The following KIAA0232 variants were observed in gnomAD, a reference collection of about 807,000 sequenced individuals.
KIAA0232 encodes uncharacterized protein KIAA0232.
Under a neutral mutation model 122.0 loss-of-function variants are expected in KIAA0232, and 27 were observed. That is an observed-to-expected ratio of 0.22 (90% confidence interval 0.16 to 0.31). KIAA0232 has a LOEUF of 0.31. Ranked by LOEUF, KIAA0232 falls within the 10% of genes least tolerant of loss-of-function variation. The pLI is 1.00. For missense variants in KIAA0232, 1,551 were observed against 1,634.2 expected, an observed-to-expected ratio of 0.95 and a Z score of 0.88; for synonymous variants, 613 against 587.6, an observed-to-expected ratio of 1.04 and a Z score of -0.63.
intron 4 of KIAA0232, among the ~76,000 whole-genome samples, chr4:6,853,957 AG>A (rs893101842): frequency 2.6e-5 from 4 of 152,154 alleles, no homozygotes; most frequent in Admixed American, 2.0e-4. Context: ...CACAGCCAGG[AG>A]CAGAGAGTGT....
chr4:6,798,469 G>A (rs1054302362), intron 1 of KIAA0232, among the ~76,000 whole-genome samples: 1 of 152,160 alleles, frequency 6.6e-6, no homozygotes, highest in African/African-American at 2.4e-5. Flanking sequence ...AGACATATTT[G>A]AACAACACTA....
At chr4:6,876,630 CT>C (rs765284293) in intron 8 of KIAA0232, 29 bp from the exon 9 acceptor site, 5 of 1,417,956 alleles carry the variant, frequency 3.5e-6, no homozygotes, top group Non-Finnish European at 5.0e-6. Flanking sequence ...CCCTTTCCCT[CT>C]TTTCCCTTCT....
intron 2 of KIAA0232, among the ~76,000 whole-genome samples, chr4:6,812,188 T>A (rs2108977579): frequency 6.6e-6 from 1 of 152,232 alleles, no homozygotes; most frequent in South Asian, 2.1e-4. Context: ...TAATGAGTCT[T>A]TATTAAGCTC....
chr4:6,848,357 T>C (rs1720086710), intron 4 of KIAA0232, among the ~76,000 whole-genome samples: 1 of 152,214 alleles, frequency 6.6e-6, no homozygotes, highest in Non-Finnish European at 1.5e-5. Context: ...TGGCCCTTCA[T>C]ACCCATGAGT....
intron 1 of KIAA0232, among the ~76,000 whole-genome samples, chr4:6,795,105 C>T (rs1359205759): frequency 1.3e-5 from 2 of 150,626 alleles, no homozygotes; most frequent in Non-Finnish European, 2.9e-5. Context: ...GAGTCTCACT[C>T]TGTCGCCCAG....
rs966897589 is a variant in KIAA0232 at position 6,818,975 on chromosome 4, A to T, written c.-269-5210A>T. On this transcript the variant is annotated intron_variant, in intron 2 of 9. Coordinates refer to ENST00000307659, the MANE Select transcript of KIAA0232 (RefSeq NM_014743.3). ...AAAGTTGACAAAAATAAGCAACAGG[A>T]AAAGGACTCCCTATTCAATAAATGG... is the stretch of plus-strand genomic sequence containing the variant. Among the ~76,000 whole-genome samples the T allele has an allele frequency of 2.6e-5, 4 of 152,162 alleles. No individual in the cohort carries two copies. The South Asian group carries it at 8.3e-4, about 32-fold the overall frequency.
At chr4:6,817,066 T>C (rs1209115546) in intron 2 of KIAA0232, among the ~76,000 whole-genome samples, 1 of 152,188 alleles carries the variant, frequency 6.6e-6, no homozygotes, top group African/African-American at 2.4e-5. Flanking sequence ...GTTTCTGCTC[T>C]GAGCTTTTTT....
chr4:6,865,581 G>T (rs751887132), intron 7 of KIAA0232, among the ~76,000 whole-genome samples: 1 of 152,246 alleles, frequency 6.6e-6, no homozygotes, highest in Non-Finnish European at 1.5e-5. Flanking sequence ...GATTACAGGC[G>T]TGAGCCACCG....
At chr4:6,870,977 G>C (rs1182069460) in intron 7 of KIAA0232, among the ~76,000 whole-genome samples, 1 of 152,186 alleles carries the variant, frequency 6.6e-6, no homozygotes, top group Non-Finnish European at 1.5e-5. Flanking sequence ...AGTTTGCCTT[G>C]CTTGGGAGCG....
intron 1 of KIAA0232, among the ~76,000 whole-genome samples, chr4:6,793,724 T>C (rs998048202): frequency 7.2e-5 from 11 of 152,314 alleles, no homozygotes; most frequent in African/African-American, 2.4e-4. Context: ...GAGAGTGAGC[T>C]AACACTGGTT....
intron 1 of KIAA0232, among the ~76,000 whole-genome samples, chr4:6,800,906 T>C (rs1717358994): frequency 6.6e-6 from 1 of 152,184 alleles, no homozygotes. Flanking sequence ...GGCAGGTTCT[T>C]AAGGGTTTGT....
chr4:6,819,252 C>T lies in KIAA0232; in HGVS notation c.-269-4933C>T, dbSNP rs549792622. Among the ~76,000 whole-genome samples the T allele has an allele frequency of 4.9e-4, 75 of 152,172 alleles. 1 individual carries two copies. In the Middle Eastern group the frequency reaches 0.01, roughly 21 times the overall value. ...CTAATTAAGCCAAAGAGCTTATGTACAGCAAAAGAAATTATCAATAGAGTA... is the reference window on the plus strand; with the variant it reads ...CTAATTAAGCCAAAGAGCTTATGTATAGCAAAAGAAATTATCAATAGAGTA... On this transcript the variant is annotated intron_variant, in intron 2 of 9. Transcript: ENST00000307659.
chr4:6,822,935 C>T (rs899174843), intron 2 of KIAA0232, among the ~76,000 whole-genome samples: 1 of 118,566 alleles, frequency 8.4e-6, no homozygotes, highest in African/African-American at 3.2e-5. Context: ...CCCCTCCCCC[C>T]ACACCACAAC....
intron 7 of KIAA0232, among the ~76,000 whole-genome samples, chr4:6,865,974 G>A (rs1032744560): frequency 1.3e-5 from 2 of 152,188 alleles, no homozygotes; most frequent in Non-Finnish European, 2.9e-5. Flanking sequence ...GTGCCCAGGT[G>A]TGGGACTGCT....
chr4:6,788,560 A>G (rs1218070989), intron 1 of KIAA0232, among the ~76,000 whole-genome samples: 3 of 152,198 alleles, frequency 2.0e-5, no homozygotes, highest in Admixed American at 6.5e-5. Context: ...TTTTTAGTTT[A>G]TATACATGAA....
At position 6,861,694 on chromosome 4, in the gene KIAA0232, G is replaced by T. The variant is rs1447292290; in HGVS notation, c.1312G>T (p.Val438Leu). Residue 438 changes from valine (V) to leucine (L), a missense_variant, in exon 7 of 10, where the codon GTG (valine) becomes TTG (leucine). Physicochemically the swap from Val to Leu is conservative, Grantham distance 32. This residue lies in a region of KIAA0232 where 1,108 missense variants were observed against 1,154.8 expected (regional missense o/e 0.96). Transcript: ENST00000307659. The part of the protein sequence containing the change: ...QDTSDLTSEA[V>L]EELSESVHGL... ...TACAAGTGATCTGACATCAGAGGCA[G>T]TGGAAGAATTGTCTGAATCAGTGCA... The T allele has an allele frequency of 6.2e-7, 1 of 1,614,134 alleles. No homozygotes were observed. The highest frequency in any genetic ancestry group is 8.5e-7 in the Non-Finnish European group (1 of 1,180,036).
rs1004134777 is a variant in KIAA0232, at chr4:6,824,272, C to G, written c.-182C>G. On this transcript the variant is annotated 5_prime_UTR_variant, in exon 3 of 10. Transcript: ENST00000307659. Reference sequence around the variant, plus strand: ...GCATGTTGCTATCAGGATGTTGATTCATTAGTCATGCCTGAAGAGGGAAAG... The same window carrying G: ...GCATGTTGCTATCAGGATGTTGATTGATTAGTCATGCCTGAAGAGGGAAAG... 1 of 610,374 alleles carries G rather than the reference C, an allele frequency of 1.6e-6. No individual in the cohort carries two copies. The highest frequency in any genetic ancestry group is 1.8e-5 in the African/African-American group (1 of 54,070). 37.8% of individuals were successfully genotyped at this position (610,374 alleles called of 1,614,324 possible). A position where few individuals can be genotyped will look rare whatever the true frequency, so the allele number is the denominator to read the frequency against.
At chr4:6,835,580 T>C (rs1171185787) in intron 3 of KIAA0232, among the ~76,000 whole-genome samples, 1 of 152,168 alleles carries the variant, frequency 6.6e-6, no homozygotes, top group African/African-American at 2.4e-5. Flanking sequence ...AACTCGTCAT[T>C]TACATTAGGT....
intron 8 of KIAA0232, 110 bp from the exon 9 acceptor site, chr4:6,876,550 C>T (rs1264200478): frequency 1.3e-6 from 1 of 761,856 alleles, no homozygotes; most frequent in Non-Finnish European, 2.2e-6. Context: ...GGAGACCTAA[C>T]TGATGTAGCT....
Sources: gnomAD v4.1 joint callset for allele counts (sites outside exome capture counted in the v4.1 genomes callset) on GRCh38, gnomAD v4.1.1 for gene constraint, gnomAD v4.1.1 regional missense constraint, MANE v1.5 for transcripts, NCBI Gene and HGNC (gene_info 2026-07-23, HGNC 2026-07-21) for gene names.